The following IQCK variants were observed in gnomAD, a reference collection of about 807,000 sequenced individuals.
IQCK encodes IQ domain-containing protein K.
A neutral mutation model predicts 28.1 loss-of-function variants in IQCK; 29 were observed. That is an observed-to-expected ratio of 1.03 (90% CI 0.77 to 1.41). The LOEUF is 1.41. Ranked by LOEUF, IQCK falls within the 40% of genes most tolerant of loss-of-function variation. IQCK has a pLI of 0.00. For missense variants in IQCK, 359 were observed against 314.7 expected, an observed-to-expected ratio of 1.14 and a Z score of -1.07; for synonymous variants, 113 against 115.1, an observed-to-expected ratio of 0.98 and a Z score of 0.12.
intron 1 of IQCK, among the ~76,000 whole-genome samples, chr16:19,721,374 T>G (rs747742909): frequency 1.3e-5 from 2 of 152,216 alleles, no homozygotes; most frequent in African/African-American, 2.4e-5. Flanking sequence ...TGTATGTGCA[T>G]GCTCACCACT....
exon 10 of IQCK, chr16:19,857,937 CAA>C (rs1255225535): frequency 6.5e-6 from 1 of 152,824 alleles, no homozygotes; most frequent in African/African-American, 2.4e-5. Context: ...AAAGGGGGGA[CAA>C]GAGTGGCTGT....
exon 10 of IQCK, chr16:19,857,669 G>A (rs1177956534): frequency 3.4e-5 from 8 of 232,962 alleles, no homozygotes; most frequent in East Asian, 1.5e-4. Context: ...GGCCTGAGGC[G>A]TTCAACTCAG....
intron 4 of IQCK, among the ~76,000 whole-genome samples, chr16:19,754,489 T>C (rs1314230795): frequency 6.6e-6 from 1 of 152,198 alleles, no homozygotes; most frequent in South Asian, 2.1e-4. Context: ...TGGTTGCTTA[T>C]CAAATTCCAT....
chr16:19,787,016 T>G lies in IQCK; in HGVS notation c.606-1822T>G, dbSNP rs546309931. ...AGCACTGCACTCAACTGCTGATAAC[T>G]TCTGTGTTCTTTGTGGCTTTGATTT... On this transcript the variant is annotated intron_variant, in intron 6 of 7. Transcript: ENST00000564186. Among the ~76,000 whole-genome samples, 63 of 77,428 alleles carry G rather than the reference T, an allele frequency of 8.1e-4. 1 individual carries two copies. Among genetic ancestry groups the G allele is most frequent in the Admixed American group, 2.4e-3 (20 of 8,300 alleles). The allele number at this position is 77,428 out of a possible 152,430, so 50.8% of individuals were successfully genotyped here. A position where few individuals can be genotyped will look rare whatever the true frequency, so the allele number is the denominator to read the frequency against.
intron 6 of IQCK, among the ~76,000 whole-genome samples, chr16:19,779,300 T>C (rs8043886): frequency 0.056 from 8,599 of 152,208 alleles, 785 homozygotes; most frequent in African/African-American, 0.19. Context: ...GGACATGTTT[T>C]GAGGTTGGAA....
At position 19,786,795 on chromosome 16, in the gene IQCK, AAGAGAG is replaced by A. The variant is rs755230072; in HGVS notation, c.606-2029_606-2024del. Among the ~76,000 whole-genome samples, 23 of 99,016 alleles carry A rather than the reference AAGAGAG, an allele frequency of 2.3e-4. 3 individuals are homozygous for A. Among genetic ancestry groups the A allele is most frequent in the African/African-American group, 1.5e-3 (17 of 11,590 alleles). The allele number at this position is 99,016 out of a possible 152,430, so 65.0% of individuals were successfully genotyped here. On this transcript the variant is annotated intron_variant, in intron 6 of 7. Coordinates refer to ENST00000564186, the Ensembl canonical transcript of IQCK. Reference sequence around the variant, plus strand: ...GGAAGAATCACCTAGAAAAGAAAGAAAGAGAGAGAGAGAGAGAGAAGGGAGGGAGGG... The same window carrying A: ...GGAAGAATCACCTAGAAAAGAAAGAAAGAGAGAGAGAGAAGGGAGGGAGGG...
chr16:19,806,946 G>A (rs1369947525), intron 7 of IQCK, among the ~76,000 whole-genome samples: 1 of 152,170 alleles, frequency 6.6e-6, no homozygotes, highest in East Asian at 1.9e-4. Flanking sequence ...CCCACCCCCT[G>A]GGATTCCCAT....
At chr16:19,809,736 G>A (rs1053659879) in intron 7 of IQCK, among the ~76,000 whole-genome samples, 1 of 152,084 alleles carries the variant, frequency 6.6e-6, no homozygotes, top group Admixed American at 6.6e-5. Context: ...GCGGTTCTCC[G>A]ACTTTAGCCC....
At chr16:19,747,375 C>T (rs8051997) in intron 4 of IQCK, among the ~76,000 whole-genome samples, 2 of 152,018 alleles carry the variant, frequency 1.3e-5, no homozygotes, top group Non-Finnish European at 1.5e-5. Flanking sequence ...CAATTAGACA[C>T]GTCAAGGCCT....
At chr16:19,824,100 A>G (rs2056111667) in intron 7 of IQCK, among the ~76,000 whole-genome samples, 1 of 152,104 alleles carries the variant, frequency 6.6e-6, no homozygotes, top group Non-Finnish European at 1.5e-5. Context: ...TTTATTGTGT[A>G]CTTTCTTTCT....
At chr16:19,747,367 A>G (rs910142656) in intron 4 of IQCK, among the ~76,000 whole-genome samples, 4 of 152,298 alleles carry the variant, frequency 2.6e-5, no homozygotes, top group South Asian at 2.1e-4. Context: ...CTTCAATTCA[A>G]TTAGACACGT....
At chr16:19,832,207 A>G (rs1279140744) in intron 9 of IQCK, among the ~76,000 whole-genome samples, 1 of 152,004 alleles carries the variant, frequency 6.6e-6, no homozygotes, top group African/African-American at 2.4e-5. Flanking sequence ...TTCCCATAAC[A>G]TCAGATTACA....
chr16:19,811,935 G>A (rs985760309), intron 7 of IQCK, among the ~76,000 whole-genome samples: 1 of 151,560 alleles, frequency 6.6e-6, no homozygotes, highest in South Asian at 2.1e-4. Flanking sequence ...TTTTGAACAA[G>A]TACCTTCAGT....
chr16:19,722,785 C>A, intron 1 of IQCK, among the ~76,000 whole-genome samples: 1 of 151,410 alleles, frequency 6.6e-6, no homozygotes, highest in East Asian at 1.9e-4. Context: ...GGTGCGATAT[C>A]TGCTTACTTC....
chr16:19,830,249 C>T (rs2056213351), downstream of IQCK, among the ~76,000 whole-genome samples: 1 of 152,218 alleles, frequency 6.6e-6, no homozygotes, highest in Non-Finnish European at 1.5e-5. Context: ...GGGCTGTAAT[C>T]AGTTTAAAGG....
intron 1 of IQCK, among the ~76,000 whole-genome samples, chr16:19,718,903 A>G (rs1977368500): frequency 6.6e-6 from 1 of 152,178 alleles, no homozygotes; most frequent in South Asian, 2.1e-4. Flanking sequence ...TGCACTTTTT[A>G]AAAGAGCACC....
intron 6 of IQCK, among the ~76,000 whole-genome samples, chr16:19,766,955 A>G (rs2055247154): frequency 6.6e-6 from 1 of 152,222 alleles, no homozygotes; most frequent in South Asian, 2.1e-4. Context: ...CTGTAATCTC[A>G]GCTACTTGGG....
chr16:19,782,638 GAGAA>G (rs960405578), intron 6 of IQCK, among the ~76,000 whole-genome samples: 9 of 151,870 alleles, frequency 5.9e-5, no homozygotes, highest in South Asian at 4.2e-4. Context: ...AAAAAGAAAA[GAGAA>G]AGAGAGAAAG....
intron 1 of IQCK, among the ~76,000 whole-genome samples, chr16:19,720,206 A>G (rs904774148): frequency 6.6e-6 from 1 of 152,274 alleles, no homozygotes; most frequent in Non-Finnish European, 1.5e-5. Flanking sequence ...TCCTTCTCCA[A>G]CCTTACATTG....
Sources: gnomAD v4.1 joint callset for allele counts (sites outside exome capture counted in the v4.1 genomes callset) on GRCh38, gnomAD v4.1.1 for gene constraint, MANE v1.5 for transcripts, NCBI Gene and HGNC (gene_info 2026-07-23, HGNC 2026-07-21) for gene names.